Variants in PIGN observed in about 807,000 individuals in gnomAD.
PIGN encodes the protein GPI ethanolamine phosphate transferase 1.
PIGN carries 117 observed loss-of-function variants against 125.4 expected under a neutral mutation model. That is an observed-to-expected ratio of 0.93 (90% CI 0.80 to 1.09). PIGN has a LOEUF of 1.09. PIGN is among the 50% of genes least tolerant of loss of function. PIGN has a pLI of 0.00. For synonymous variants in PIGN, 392 were observed against 377.8 expected, an observed-to-expected ratio of 1.04 and a Z score of -0.44; for missense variants, 1,075 against 1,094.9, an observed-to-expected ratio of 0.98 and a Z score of 0.26.
intron 10 of PIGN, among the ~76,000 whole-genome samples, chr18:62,143,699 A>G (rs949647825): frequency 4.6e-5 from 7 of 152,192 alleles, no homozygotes; most frequent in African/African-American, 1.7e-4. Flanking sequence ...CCTGTTCTAG[A>G]GAGTTATTAA....
rs143393107 is a variant in PIGN at position 62,084,845 on chromosome 18, C to T, written c.2427-239G>A. Among the ~76,000 whole-genome samples, 1,248 of 152,318 alleles carry T rather than the reference C, an allele frequency of 8.2e-3. 2 individuals carry two copies. The highest frequency in any genetic ancestry group is 9.8e-3 in the Non-Finnish European group (668 of 68,034). On this transcript the variant is annotated intron_variant, in intron 26 of 30. Coordinates refer to ENST00000640252, the MANE Select transcript of PIGN (RefSeq NM_176787.5). ...GGTGCAGGCTGGGTGCCGTGGCTCA[C>T]GCCTGTAATCCCAGCACTTTGGCAG... is the stretch of plus-strand genomic sequence containing the variant.
intron 29 of PIGN, among the ~76,000 whole-genome samples, chr18:62,073,468 G>A (rs1439300084): frequency 1.3e-5 from 2 of 152,002 alleles, no homozygotes; most frequent in Non-Finnish European, 2.9e-5. Context: ...GGATGGAGAG[G>A]TAAGAGAAGA....
At chr18:62,059,234 A>G (rs2031962942) in intron 30 of PIGN, 1 of 150,022 alleles carries the variant, frequency 6.7e-6, no homozygotes, top group Non-Finnish European at 1.5e-5. Context: ...TTCAGGGACC[A>G]AAGTTTGTAG....
chr18:62,136,022 G>A, intron 14 of PIGN: 1 of 152,070 alleles, frequency 6.6e-6, no homozygotes, highest in East Asian at 1.9e-4. Flanking sequence ...CAAAGCCTTT[G>A]TCTATCCTGT....
At chr18:62,136,315 C>A (rs1484190845) in intron 14 of PIGN, 1 of 152,046 alleles carries the variant, frequency 6.6e-6, no homozygotes, top group Admixed American at 6.6e-5. Flanking sequence ...CTCAAGTATA[C>A]AACCACAGTA....
At position 62,154,644 on chromosome 18, in the gene PIGN, A is replaced by G. The variant is rs991157947; in HGVS notation, c.450T>C (p.Ser150=). 6.8e-7 allele frequency: 1 copy of G among 1,475,922 alleles called. No homozygotes were observed. Among genetic ancestry groups the G allele is most frequent in the Non-Finnish European group, 9.4e-7 (1 of 1,061,492 alleles). The allele number at this position is 1,475,922 out of a possible 1,614,324, so 91.4% of individuals were successfully genotyped here. ...DILPMFAKGA[S]GDHVYTYSYD... is the part of the protein sequence containing the mutation. ...AACTATATGTATAAACGTGGTCTCCACTAGCACCTGAAAAGAAAATTTGGA... is the reference window on the plus strand; with the variant it reads ...AACTATATGTATAAACGTGGTCTCCGCTAGCACCTGAAAAGAAAATTTGGA... The change falls in exon 7 of 31, where the codon AGT becomes AGC. Residue 150 remains serine (S), a synonymous_variant. Coordinates refer to ENST00000640252, the MANE Select transcript of PIGN (RefSeq NM_176787.5).
intron 1 of PIGN, among the ~76,000 whole-genome samples, chr18:62,164,993 T>G (rs2037080676): frequency 6.6e-6 from 1 of 152,156 alleles, no homozygotes; most frequent in Admixed American, 6.5e-5. Context: ...CGAAAAGGCA[T>G]GTTGAAATTT....
chr18:62,044,947 T>C lies in PIGN; in HGVS notation c.*909A>G, dbSNP rs2030555783. 6.6e-6 allele frequency: 1 copy of C among 152,100 alleles called. No homozygotes were observed. The highest frequency in any genetic ancestry group is 2.4e-5 in the African/African-American group (1 of 41,404). 9.4% of individuals were successfully genotyped at this position (152,100 alleles called of 1,614,324 possible). A position where few individuals can be genotyped will look rare whatever the true frequency, so the allele number is the denominator to read the frequency against. On this transcript the variant is annotated 3_prime_UTR_variant, in exon 31 of 31. Transcript: ENST00000640252. ...GATTTTAGGCCTTTGTGCTAGAATC[T>C]CACAACCAGAAAGAATAACACCTTT...
At chr18:62,172,680 CA>C (rs1236744784) in intron 1 of PIGN, among the ~76,000 whole-genome samples, 6 of 152,106 alleles carry the variant, frequency 3.9e-5, no homozygotes, top group Admixed American at 1.3e-4. Flanking sequence ...TTTCTTGTCC[CA>C]TTTGCCACTG....
intron 1 of PIGN, among the ~76,000 whole-genome samples, chr18:62,165,051 T>C (rs2037082897): frequency 1.3e-5 from 2 of 152,156 alleles, no homozygotes; most frequent in African/African-American, 4.8e-5. Flanking sequence ...GAGAGGTGTT[T>C]AGGTCACACG....
At chr18:62,025,967 C>G (rs2030113583) in intron 23 of PIGN, among the ~76,000 whole-genome samples, 1 of 152,202 alleles carries the variant, frequency 6.6e-6, no homozygotes, top group Non-Finnish European at 1.5e-5. Context: ...ACTGTCACAA[C>G]AAGACCTACA....
chr18:62,056,868 G>C (rs1400039374), intron 30 of PIGN: 2 of 152,404 alleles, frequency 1.3e-5, no homozygotes, highest in East Asian at 3.9e-4. Flanking sequence ...GGCGGCATTA[G>C]ATTCTCACAG....
chr18:62,179,147 A>G (rs574864653), intron 1 of PIGN, among the ~76,000 whole-genome samples: 1 of 152,258 alleles, frequency 6.6e-6, no homozygotes, highest in East Asian at 1.9e-4. Flanking sequence ...ATAAAGTACC[A>G]TTTTCTTCAC....
At chr18:62,150,718 T>C (rs1018272384) in intron 7 of PIGN, among the ~76,000 whole-genome samples, 7 of 152,112 alleles carry the variant, frequency 4.6e-5, no homozygotes, top group Non-Finnish European at 1.5e-5. Context: ...TGTTTGTTTT[T>C]GAGACGGAGT....
At chr18:62,144,936 G>C (rs1489327218) in intron 10 of PIGN, among the ~76,000 whole-genome samples, 1 of 148,496 alleles carries the variant, frequency 6.7e-6, no homozygotes, top group Non-Finnish European at 1.5e-5. Context: ...GTGAACCTGT[G>C]AACAGCTACT....
chr18:62,134,234 A>C (rs2035845531), intron 14 of PIGN, among the ~76,000 whole-genome samples: 2 of 151,740 alleles, frequency 1.3e-5, no homozygotes, highest in Admixed American at 6.6e-5. Context: ...CTCTACTAAA[A>C]ACACAAAAAT....
chr18:62,154,237 C>T (rs904692039), intron 7 of PIGN: 3 of 401,724 alleles, frequency 7.5e-6, no homozygotes, highest in African/African-American at 4.2e-5. Flanking sequence ...TCCATTACTA[C>T]AAGAGTCTGA....
At chr18:62,117,312 G>C (rs568888150) in intron 14 of PIGN, among the ~76,000 whole-genome samples, 16 of 152,082 alleles carry the variant, frequency 1.1e-4, no homozygotes, top group African/African-American at 3.9e-4. Context: ...CTAGAATATA[G>C]AGTAAAATAT....
At chr18:62,125,086 A>G (rs537875873) in intron 14 of PIGN, among the ~76,000 whole-genome samples, 10 of 151,050 alleles carry the variant, frequency 6.6e-5, no homozygotes, top group Non-Finnish European at 1.3e-4. Context: ...ATGTTTGTAC[A>G]TACATGTATA....
Sources: gnomAD v4.1 joint callset for allele counts (sites outside exome capture counted in the v4.1 genomes callset) on GRCh38, gnomAD v4.1.1 for gene constraint, MANE v1.5 for transcripts, NCBI Gene and HGNC (gene_info 2026-07-23, HGNC 2026-07-21) for gene names.